Variants in ANKRD11 observed in about 807,000 individuals in gnomAD.
ANKRD11 encodes the protein ankyrin repeat domain 11.
Under a neutral mutation model 195.7 loss-of-function variants are expected in ANKRD11, and 17 were observed. The ratio of observed to expected loss-of-function variants is 0.09; its 90% CI spans 0.06 to 0.13. ANKRD11 has a LOEUF of 0.13. ANKRD11 is among the 10% of genes least tolerant of loss of function. The pLI, the probability that ANKRD11 is intolerant of heterozygous loss-of-function variation, is 1.00. For missense variants in ANKRD11, 3,735 were observed against 3,566.1 expected (o/e 1.05, Z -1.21); for synonymous variants, 1,953 against 1,528.1 (o/e 1.28, Z -6.49).
Position 89,441,270 on chromosome 16 carries a change from A to G in ANKRD11, c.-144-22902T>C, listed in dbSNP as rs559000598. Among the ~76,000 whole-genome samples the G allele has an allele frequency of 4.6e-5, 7 of 152,074 alleles. No homozygotes were observed. The South Asian group carries it at 1.0e-3, about 23-fold the overall frequency. On this transcript the variant is annotated intron_variant, in intron 1 of 12. Transcript: ENST00000301030. ...AAAGTTTCCTCGCTATGCATGCGCT[A>G]AAACCCTCTGGAGTGAAGTCCTAAA... is the stretch of plus-strand genomic sequence containing the variant.
intron 2 of ANKRD11, among the ~76,000 whole-genome samples, chr16:89,368,112 C>T (rs545703359): frequency 2.6e-5 from 4 of 152,310 alleles, no homozygotes; most frequent in South Asian, 2.1e-4. Context: ...GTGCTCACTA[C>T]GCTACTCATT....
intron 2 of ANKRD11, among the ~76,000 whole-genome samples, chr16:89,369,429 G>A (rs968826714): frequency 3.3e-5 from 5 of 152,210 alleles, no homozygotes; most frequent in African/African-American, 1.2e-4. Context: ...TGCAGCAAGG[G>A]TGCGCCTCCA....
intron 1 of ANKRD11, among the ~76,000 whole-genome samples, chr16:89,462,852 G>A (rs1185477356): frequency 6.6e-6 from 1 of 151,944 alleles, no homozygotes; most frequent in Non-Finnish European, 1.5e-5. Flanking sequence ...CGTCTGGGAA[G>A]TGAGGAGCGT....
chr16:89,327,203 C>G (rs766312820), intron 2 of ANKRD11, among the ~76,000 whole-genome samples: 13 of 152,276 alleles, frequency 8.5e-5, no homozygotes, highest in Non-Finnish European at 1.6e-4. Flanking sequence ...AGCATGCCAA[C>G]AAGCTAAAGA....
chr16:89,465,799 C>T (rs1204541927), intron 1 of ANKRD11, among the ~76,000 whole-genome samples: 2 of 152,196 alleles, frequency 1.3e-5, no homozygotes, highest in African/African-American at 2.4e-5. Context: ...CAAGCTCCAC[C>T]TCCTGAGTTC....
chr16:89,403,077 G>A (rs1177711073), intron 2 of ANKRD11, among the ~76,000 whole-genome samples: 2 of 152,174 alleles, frequency 1.3e-5, no homozygotes, highest in Admixed American at 1.3e-4. Flanking sequence ...GGCCTGGAAC[G>A]CTGCTGTCAT....
rs1567615301 is a variant in ANKRD11, at chr16:89,305,700, TCCGCAGACACGCGCCAC to T, written c.88-373_88-357del. 1.8e-3 allele frequency among the ~76,000 whole-genome samples: 109 copies of T among 59,674 alleles called. 1 individual carries two copies. The highest frequency in any genetic ancestry group is 0.013 in the Middle Eastern group (1 of 76). 39.1% of individuals were successfully genotyped at this position (59,674 alleles called of 152,430 possible). On this transcript the variant is annotated intron_variant, in intron 3 of 12. Transcript: ENST00000301030. ...TCCGCAGACACGCGCCACCTCCCAC[TCCGCAGACACGCGCCAC>T]CTCCCACTCCGCAGACACGCGCCAC...
Position 89,364,876 on chromosome 16 carries a change from C to T in ANKRD11, c.-59-47798G>A, listed in dbSNP as rs114294576. Among the ~76,000 whole-genome samples, 1,404 of 152,284 alleles carry T rather than the reference C, an allele frequency of 9.2e-3. 7 individuals carry two copies. Among genetic ancestry groups the T allele is most frequent in the African/African-American group, 0.015 (637 of 41,540 alleles). ...CTGCAGATGTTCCAACAGCCTGGCA[C>T]GCAGATGGCCCAGGGAAAAGCCTCA... On this transcript the variant is annotated intron_variant, in intron 2 of 12. Coordinates refer to ENST00000301030, the MANE Select transcript of ANKRD11 (RefSeq NM_013275.6).
At chr16:89,271,093 AC>A in intron 11 of ANKRD11, 184 bp from the exon 12 acceptor site, 1 of 657,426 alleles carries the variant, frequency 1.5e-6, no homozygotes. Context: ...ATCTCCCTAA[AC>A]AGCCTCCCTA....
chr16:89,332,657 A>T (rs1315517447), intron 2 of ANKRD11, among the ~76,000 whole-genome samples: 2 of 152,206 alleles, frequency 1.3e-5, no homozygotes, highest in East Asian at 3.8e-4. Flanking sequence ...AAAGCAAACG[A>T]CAAACACAAC....
intron 2 of ANKRD11, chr16:89,392,756 G>C (rs2041254597): frequency 6.7e-6 from 1 of 148,184 alleles, no homozygotes; most frequent in African/African-American, 2.5e-5. Flanking sequence ...CCCAGAACCT[G>C]CACTTAAGCA....
At chr16:89,314,685 A>G (rs2036841299) in intron 3 of ANKRD11, among the ~76,000 whole-genome samples, 2 of 152,092 alleles carry the variant, frequency 1.3e-5, no homozygotes, top group South Asian at 4.1e-4. Context: ...GAGCCAGGAG[A>G]GCTCCCTCTT....
At chr16:89,349,308 A>T (rs2039096222) in intron 2 of ANKRD11, among the ~76,000 whole-genome samples, 1 of 151,888 alleles carries the variant, frequency 6.6e-6, no homozygotes, top group African/African-American at 2.4e-5. Flanking sequence ...GTGAAACCCC[A>T]TCTCTACTCA....
chr16:89,354,325 C>T (rs1310959406), intron 2 of ANKRD11, among the ~76,000 whole-genome samples: 1 of 151,564 alleles, frequency 6.6e-6, no homozygotes. Context: ...TTCCTTCTCA[C>T]TGTCAATCTT....
chr16:89,286,218 G>A, intron 7 of ANKRD11, 32 bp from the exon 8 acceptor site: 1 of 1,608,742 alleles, frequency 6.2e-7, no homozygotes, highest in Non-Finnish European at 8.5e-7. Flanking sequence ...GTCAGGGACT[G>A]CTGGAGAAGC....
rs958027739 is a variant in ANKRD11 at position 89,282,931 on chromosome 16, T to C, written c.3611A>G (p.Lys1204Arg). 6.2e-7 allele frequency: 1 copy of C among 1,613,448 alleles called. No homozygotes were observed. The highest frequency in any genetic ancestry group is 1.1e-5 in the South Asian group (1 of 91,054). Residue 1204 changes from lysine to arginine, a missense_variant, in exon 9 of 13, where the codon AAG (lysine) becomes AGG (arginine). Transcript: ENST00000301030. ...CTCTTTATCCTTCTTCTCCTTGTGC[T>C]TTTCAAAGACTTTCTCTTTTTTGTC... ...GRDKKEKVFE[K>R]HKEKKDKEST... is the part of the protein sequence containing the mutation.
chr16:89,417,625 C>G (rs927513295), intron 2 of ANKRD11, among the ~76,000 whole-genome samples: 14 of 152,154 alleles, frequency 9.2e-5, no homozygotes, highest in African/African-American at 3.1e-4. Context: ...GTCTCCAGCT[C>G]CTAGGAAAAG....
At chr16:89,269,476 G>A (rs1322253480) in intron 12 of ANKRD11, among the ~76,000 whole-genome samples, 1 of 152,150 alleles carries the variant, frequency 6.6e-6, no homozygotes, top group South Asian at 2.1e-4. Flanking sequence ...TTACTCGGCA[G>A]CTCAGACATC....
intron 2 of ANKRD11, chr16:89,392,712 T>G (rs1351854757): frequency 6.7e-6 from 1 of 148,316 alleles, no homozygotes; most frequent in African/African-American, 2.5e-5. Context: ...CATGGTTGAG[T>G]TCACAGACAA....
Sources: gnomAD v4.1 joint callset for allele counts (sites outside exome capture counted in the v4.1 genomes callset) on GRCh38, gnomAD v4.1.1 for gene constraint, MANE v1.5 for transcripts, NCBI Gene and HGNC (gene_info 2026-07-23, HGNC 2026-07-21) for gene names.